The following ZNF76 variants were observed in gnomAD, a reference collection of about 807,000 sequenced individuals.
ZNF76 encodes the protein zinc finger protein 76.
ZNF76 carries 66 observed loss-of-function variants against 66.9 expected under a neutral mutation model. The observed-to-expected ratio is 0.99, with a 90% CI of 0.81 to 1.21. The LOEUF is 1.21. ZNF76 is among the 50% of genes most tolerant of loss of function. The pLI is 0.00. For synonymous variants in ZNF76, 275 were observed against 296.1 expected (o/e 0.93, Z 0.73); for missense variants, 729 against 760.3 (o/e 0.96, Z 0.48).
chr6:35,282,893 G>A (rs1388376688), intron 2 of ZNF76, among the ~76,000 whole-genome samples: 2 of 152,142 alleles, frequency 1.3e-5, no homozygotes, highest in African/African-American at 2.4e-5. Context: ...GTGACATGTG[G>A]GTTCTTGTTG....
intron 1 of ZNF76, among the ~76,000 whole-genome samples, chr6:35,260,736 T>G (rs899162986): frequency 5.9e-5 from 9 of 152,320 alleles, no homozygotes; most frequent in Non-Finnish European, 1.2e-4. Flanking sequence ...TCATCATGAC[T>G]GTGATGAGGT....
intron 1 of ZNF76, among the ~76,000 whole-genome samples, chr6:35,267,139 G>A (rs1039551695): frequency 2.6e-5 from 4 of 151,864 alleles, no homozygotes; most frequent in African/African-American, 9.7e-5. Flanking sequence ...CTGTCACCCA[G>A]GCTGGAGTGC....
At chr6:35,280,092 A>G (rs939063464) in intron 1 of ZNF76, among the ~76,000 whole-genome samples, 1 of 151,882 alleles carries the variant, frequency 6.6e-6, no homozygotes, top group Non-Finnish European at 1.5e-5. Context: ...CAGCCTCCCA[A>G]AGCACTGGGA....
At chr6:35,269,520 CTA>C (rs1448020105) in intron 1 of ZNF76, among the ~76,000 whole-genome samples, 1 of 152,146 alleles carries the variant, frequency 6.6e-6, no homozygotes, top group African/African-American at 2.4e-5. Context: ...TACCCTGGTA[CTA>C]TCTCACTTCA....
At chr6:35,293,128 C>T (rs893937060) in intron 11 of ZNF76, 84 bp downstream of exon 11, 35 of 1,488,960 alleles carry the variant, frequency 2.4e-5, no homozygotes, top group African/African-American at 2.0e-4. Flanking sequence ...GAAGTTCTGA[C>T]AGCCCCACTG....
At position 35,287,758 on chromosome 6, in the gene ZNF76, A is replaced by G; in HGVS notation, c.345A>G (p.Thr115=). 1 of 1,614,214 alleles carries G rather than the reference A, an allele frequency of 6.2e-7. No individual in the cohort carries two copies. Among genetic ancestry groups the G allele is most frequent in the Non-Finnish European group, 8.5e-7 (1 of 1,180,026 alleles). ...AGAGCACCATCCTGGCCGTACAGAC[A>G]GAGGTGGGCTTGGAGGACCTGGCAG... The part of the protein sequence containing the change: ...PSESTILAVQ[T]EVGLEDLAAE... Residue 115 remains threonine, a synonymous_variant, in exon 5 of 14, where the codon ACA becomes ACG. Transcript: ENST00000373953. The surrounding 1 kb of genome is among the most constrained non-coding windows in gnomAD (Gnocchi z 4.0).
At position 35,295,711 on chromosome 6, in the gene ZNF76, CCTGG is replaced by C. The variant is rs1484437676; in HGVS notation, c.*466_*469del. On this transcript the variant is annotated 3_prime_UTR_variant, in exon 14 of 14. Coordinates refer to ENST00000373953, the MANE Select transcript of ZNF76 (RefSeq NM_003427.5). ...ACCTCCCTGGAGGCCAGCTGAGATG[CCTGG>C]CTACTTGGCACCAGGGACTTCCTGA... 1 of 209,340 alleles carries C rather than the reference CCTGG, an allele frequency of 4.8e-6. No individual in the cohort carries two copies. Among genetic ancestry groups the C allele is most frequent in the Non-Finnish European group, 1.0e-5 (1 of 99,378 alleles). The allele number at this position is 209,340 out of a possible 1,614,324, so 13.0% of individuals were successfully genotyped here. A position where few individuals can be genotyped will look rare whatever the true frequency, so the allele number is the denominator to read the frequency against.
chr6:35,263,925 A>G (rs1785609130), intron 1 of ZNF76, among the ~76,000 whole-genome samples: 1 of 151,890 alleles, frequency 6.6e-6, no homozygotes, highest in Non-Finnish European at 1.5e-5. Context: ...TAATTTTTGT[A>G]TTTTTAGTAG....
chr6:35,264,199 C>A (rs2150335905), intron 1 of ZNF76, among the ~76,000 whole-genome samples: 1 of 152,350 alleles, frequency 6.6e-6, no homozygotes, highest in South Asian at 2.1e-4. Flanking sequence ...TTTGTGGACA[C>A]AACACCCCTC....
Position 35,291,955 on chromosome 6 carries a change from C to G in ZNF76, c.931+218C>G, listed in dbSNP as rs1582191353. 1.6e-5 allele frequency: 10 copies of G among 612,882 alleles called. No individual in the cohort carries two copies. In the East Asian group the frequency reaches 2.8e-4, roughly 17 times the overall value. 38.0% of individuals were successfully genotyped at this position (612,882 alleles called of 1,614,324 possible). A position where few individuals can be genotyped will look rare whatever the true frequency, so the allele number is the denominator to read the frequency against. On this transcript the variant is annotated intron_variant, in intron 9 of 13. Transcript: ENST00000373953. ...TCCAATCTGAAAGGTATTGCCAGTC[C>G]TCTCTGGGGTCCCTCAGCTCCCTAC...
At chr6:35,281,012 AG>A in intron 1 of ZNF76, 43 bp from the exon 2 acceptor site, 1 of 808,834 alleles carries the variant, frequency 1.2e-6, no homozygotes, top group Non-Finnish European at 2.1e-6. Flanking sequence ...TTGCGATAGG[AG>A]AAAGCTGGTT....
At chr6:35,268,520 C>T (rs1786495453) in intron 1 of ZNF76, among the ~76,000 whole-genome samples, 1 of 151,968 alleles carries the variant, frequency 6.6e-6, no homozygotes, top group Admixed American at 6.6e-5. Context: ...AAAACGAAAC[C>T]TGGCCGGGTG....
At chr6:35,265,506 CAAAA>C (rs527326739) in intron 1 of ZNF76, among the ~76,000 whole-genome samples, 7 of 68,568 alleles carry the variant, frequency 1.0e-4, no homozygotes, top group East Asian at 4.5e-4. Flanking sequence ...GACTCTGTCT[CAAAA>C]AAAAAAAAAA....
chr6:35,263,222 T>C (rs1340974359), intron 1 of ZNF76, among the ~76,000 whole-genome samples: 1 of 152,166 alleles, frequency 6.6e-6, no homozygotes, highest in Non-Finnish European at 1.5e-5. Flanking sequence ...AGGATCTTGG[T>C]TTTTTAGAGG....
chr6:35,262,340 C>T (rs1195129192), intron 1 of ZNF76, among the ~76,000 whole-genome samples: 2 of 152,160 alleles, frequency 1.3e-5, no homozygotes, highest in Admixed American at 1.3e-4. Context: ...GGGAGAAGAG[C>T]CTCAGAGAAA....
chr6:35,276,763 G>GT (rs1188755608), intron 1 of ZNF76, among the ~76,000 whole-genome samples: 1 of 138,952 alleles, frequency 7.2e-6, no homozygotes, highest in African/African-American at 2.7e-5. Flanking sequence ...TGTCTGCTTT[G>GT]TTTTTATTTT....
At chr6:35,276,470 ACAGC>A (rs1554189994) in intron 1 of ZNF76, among the ~76,000 whole-genome samples, 5 of 152,190 alleles carry the variant, frequency 3.3e-5, no homozygotes, top group Non-Finnish European at 5.9e-5. Flanking sequence ...TTAATCCCTT[ACAGC>A]AGGCTATGAA....
chr6:35,278,711 C>G (rs938121483), intron 1 of ZNF76, among the ~76,000 whole-genome samples: 40 of 152,212 alleles, frequency 2.6e-4, no homozygotes, highest in African/African-American at 9.6e-4. Flanking sequence ...GTTTAGAGGC[C>G]GTGGGCTTCC....
intron 1 of ZNF76, among the ~76,000 whole-genome samples, chr6:35,274,044 A>G (rs1048746873): frequency 1.3e-5 from 2 of 152,208 alleles, no homozygotes; most frequent in Non-Finnish European, 2.9e-5. Context: ...ATTTTTCTAT[A>G]ATAAACATTG....
Sources: allele counts gnomAD v4.1 joint callset (sites outside exome capture counted in the v4.1 genomes callset), GRCh38; gene constraint gnomAD v4.1.1; non-coding constraint Gnocchi (gnomAD v3.1); transcripts MANE v1.5; gene names NCBI Gene and HGNC (gene_info 2026-07-23, HGNC 2026-07-21).